ART4: variants seen among roughly 807,000 people sequenced by gnomAD.
ART4 encodes ecto-ADP-ribosyltransferase 4.
ART4 carries 14 observed loss-of-function variants against 24.2 expected under a neutral mutation model. The observed-to-expected ratio is 0.58, with a 90% CI of 0.38 to 0.90. The LOEUF is 0.90. Ranked by LOEUF, ART4 falls within the 40% of genes least tolerant of loss-of-function variation. The probability of loss-of-function intolerance (pLI) is 0.00; values close to 1 mark genes in which losing one functional copy is unlikely to be tolerated. For synonymous variants in ART4, 145 were observed against 139.9 expected (o/e 1.04, Z -0.26); for missense variants, 356 against 366.6 (o/e 0.97, Z 0.24).
At position 14,841,093 on chromosome 12, in the gene ART4, A is replaced by T. The variant is rs1260029840; in HGVS notation, c.205T>A (p.Cys69Ser). The T allele has an allele frequency of 6.2e-7, 1 of 1,614,192 alleles. No individual in the cohort carries two copies. The highest frequency in any genetic ancestry group is 1.7e-5 in the Admixed American group (1 of 60,030). ...PGSFDDQYQG[C>S]SKQVMEKLTQ... ...AGTTTCTCCATAACCTGTTTGCTACAGCCTTGGTACTGATCATCAAAAGAA... is the reference window on the plus strand; with the variant it reads ...AGTTTCTCCATAACCTGTTTGCTACTGCCTTGGTACTGATCATCAAAAGAA... The change falls in exon 2 of 3, where the codon TGT becomes AGT. Residue 69 changes from cysteine to serine, a missense_variant. By Grantham distance (112) the Cys-to-Ser change is moderately radical. Transcript: ENST00000228936.
In ART4 at chr12:14,843,056, C is replaced by A. The variant is rs780786258; in HGVS notation, c.58G>T (p.Ala20Ser). The A allele has an allele frequency of 2.0e-5, 32 of 1,614,068 alleles. No homozygotes were observed. Among genetic ancestry groups the A allele is most frequent in the Non-Finnish European group, 2.6e-5 (31 of 1,180,030 alleles). ...KILLPTTVPP[A>S]TMRIWLLGGL... is the part of the protein sequence containing the mutation. ...CCAAGGAGCCAGATTCTCATCGTTG[C>A]AGGAGGTACAGTAGTTGGGAGAAGA... The change falls in exon 1 of 3, where the codon GCA becomes TCA. Residue 20 changes from alanine (A) to serine (S), a missense_variant. Transcript: ENST00000228936.
intron 2 of ART4, among the ~76,000 whole-genome samples, chr12:14,833,304 T>C (rs1030037541): frequency 1.3e-5 from 2 of 152,172 alleles, no homozygotes; most frequent in African/African-American, 2.4e-5. Flanking sequence ...TAAACAGTCA[T>C]AGTCAAGAAG....
intron 2 of ART4, among the ~76,000 whole-genome samples, chr12:14,830,815 T>C (rs1228606785): frequency 6.6e-6 from 1 of 150,744 alleles, no homozygotes; most frequent in Non-Finnish European, 1.5e-5. Flanking sequence ...CAAGGAAAAT[T>C]AAGAGCATAT....
intron 2 of ART4, among the ~76,000 whole-genome samples, chr12:14,834,393 A>G (rs1950415675): frequency 6.6e-6 from 1 of 152,240 alleles, no homozygotes; most frequent in Non-Finnish European, 1.5e-5. Flanking sequence ...TGATAATAGT[A>G]TCTTAAAAGT....
chr12:14,835,090 T>C (rs1337529985), intron 2 of ART4, among the ~76,000 whole-genome samples: 1 of 152,180 alleles, frequency 6.6e-6, no homozygotes, highest in Non-Finnish European at 1.5e-5. Context: ...ATCACGTCTG[T>C]CAGATTGAGA....
chr12:14,843,028 C>A lies in ART4; in HGVS notation c.86G>T (p.Gly29Val). 1 of 1,614,026 alleles carries A rather than the reference C, an allele frequency of 6.2e-7. No individual in the cohort carries two copies. The highest frequency in any genetic ancestry group is 8.5e-7 in the Non-Finnish European group (1 of 1,179,994). The change falls in exon 1 of 3, where the codon GGC becomes GTC. Residue 29 changes from glycine (G) to valine (V), a missense_variant. Transcript: ENST00000228936. The stretch of plus-strand genomic sequence containing the variant: ...GAGGAGCAGCAGGAATGGCAGCAGG[C>A]CTCCAAGGAGCCAGATTCTCATCGT... ...PATMRIWLLG[G>V]LLPFLLLLSG... is the part of the protein sequence containing the mutation.
At chr12:14,833,787 G>A (rs562640882) in intron 2 of ART4, among the ~76,000 whole-genome samples, 1 of 152,298 alleles carries the variant, frequency 6.6e-6, no homozygotes, top group South Asian at 2.1e-4. Context: ...AGTATACCAA[G>A]TCTAGTGTTT....
At chr12:14,842,608 C>A (rs1363388019) in intron 1 of ART4, among the ~76,000 whole-genome samples, 1 of 152,098 alleles carries the variant, frequency 6.6e-6, no homozygotes, top group African/African-American at 2.4e-5. Context: ...TTACACAGAT[C>A]TTTATTAAAA....
intron 2 of ART4, among the ~76,000 whole-genome samples, chr12:14,838,517 G>C (rs1950444943): frequency 6.6e-6 from 1 of 152,140 alleles, no homozygotes; most frequent in African/African-American, 2.4e-5. Flanking sequence ...AAATCTCACT[G>C]TTTTCTTCAT....
chr12:14,841,971 C>T (rs1157826754), intron 1 of ART4, among the ~76,000 whole-genome samples: 1 of 152,214 alleles, frequency 6.6e-6, no homozygotes, highest in Non-Finnish European at 1.5e-5. Context: ...ATTTGTCCCC[C>T]TCAGGGACAG....
chr12:14,835,095 T>C (rs1020218095), intron 2 of ART4, among the ~76,000 whole-genome samples: 11 of 152,172 alleles, frequency 7.2e-5, no homozygotes, highest in African/African-American at 2.7e-4. Flanking sequence ...GTCTGTCAGA[T>C]TGAGAGGGAA....
In ART4 at chr12:14,828,158, G is replaced by C. The variant is rs1950371049; in HGVS notation, c.*1213C>G. 1 of 152,116 alleles carries C rather than the reference G, an allele frequency of 6.6e-6. No homozygotes were observed. Among genetic ancestry groups the C allele is most frequent in the African/African-American group, 2.4e-5 (1 of 41,402 alleles). 9.4% of individuals were successfully genotyped at this position (152,116 alleles called of 1,614,324 possible). ...AATTTATACTTCTTTGCATGTACTA[G>C]TTTACATGTAATGAGACCTCGCTAT... On this transcript the variant is annotated 3_prime_UTR_variant, in exon 3 of 3. Transcript: ENST00000228936.
chr12:14,829,485 A>T, intron 2 of ART4, 23 bp from the exon 3 acceptor site: 1 of 1,571,628 alleles, frequency 6.4e-7, no homozygotes, highest in Non-Finnish European at 8.7e-7. Context: ...AAACAAAGGA[A>T]ATATTTTAGG....
chr12:14,829,563 A>G, intron 2 of ART4, 101 bp from the exon 3 acceptor site: 1 of 805,330 alleles, frequency 1.2e-6, no homozygotes, highest in Admixed American at 3.2e-5. Flanking sequence ...GAAAATTCCT[A>G]ATAAAAACAT....
At chr12:14,842,943 A>G (rs1374678701) in intron 1 of ART4, 27 bp downstream of exon 1, 1 of 1,598,798 alleles carries the variant, frequency 6.3e-7, no homozygotes, top group African/African-American at 1.3e-5. Context: ...GATCATAAAG[A>G]GATCACCCCC....
In ART4 at chr12:14,829,385, T is replaced by C. The variant is rs780542509; in HGVS notation, c.931A>G (p.Lys311Glu). 9 of 1,594,530 alleles carry C rather than the reference T, an allele frequency of 5.6e-6. No homozygotes were observed. The highest frequency in any genetic ancestry group is 1.3e-5 in the African/African-American group (1 of 74,418). ...ACAAGATTTCTTTATACTCTGCTTT[T>C]GGAAAAGATGATGACACTGGTCAAA... ...SFLTSVIIFS[K>E]SRV Residue 311 changes from lysine (K) to glutamate (E), a missense_variant, in exon 3 of 3, where the codon AAA becomes GAA. Coordinates refer to ENST00000228936, the MANE Select transcript of ART4 (RefSeq NM_021071.4).
At chr12:14,835,877 A>T (rs140783816) in intron 2 of ART4, among the ~76,000 whole-genome samples, 1 of 152,132 alleles carries the variant, frequency 6.6e-6, no homozygotes, top group African/African-American at 2.4e-5. Context: ...TGCTGAGATT[A>T]TAGGTGTGAG....
chr12:14,832,081 T>A (rs1212742285), intron 2 of ART4, among the ~76,000 whole-genome samples: 1 of 152,110 alleles, frequency 6.6e-6, no homozygotes, highest in Non-Finnish European at 1.5e-5. Context: ...GCTTACCTCA[T>A]TACAGTTTAT....
Position 14,828,162 on chromosome 12 carries a change from A to G in ART4, c.*1209T>C, listed in dbSNP as rs1950371075. ...TATACTTCTTTGCATGTACTAGTTT[A>G]CATGTAATGAGACCTCGCTATATTG... On this transcript the variant is annotated 3_prime_UTR_variant, in exon 3 of 3. Coordinates refer to ENST00000228936, the MANE Select transcript of ART4 (RefSeq NM_021071.4). The G allele has an allele frequency of 6.6e-6, 1 of 152,172 alleles. No homozygotes were observed. Among genetic ancestry groups the G allele is most frequent in the African/African-American group, 2.4e-5 (1 of 41,426 alleles). The allele number at this position is 152,172 out of a possible 1,614,324, so 9.4% of individuals were successfully genotyped here.
Sources: allele counts gnomAD v4.1 joint callset (sites outside exome capture counted in the v4.1 genomes callset), GRCh38; gene constraint gnomAD v4.1.1; transcripts MANE v1.5; gene names NCBI Gene and HGNC (gene_info 2026-07-23, HGNC 2026-07-21).